ADAM22: variants seen among roughly 807,000 people sequenced by gnomAD.
The protein encoded by ADAM22 is disintegrin and metalloproteinase domain-containing protein 22.
A neutral mutation model predicts 144.6 loss-of-function variants in ADAM22; 65 were observed. The observed-to-expected ratio is 0.45, with a 90% CI of 0.37 to 0.55. The LOEUF (loss-of-function observed/expected upper bound fraction) is 0.55, where lower values mean the gene tolerates loss of function less well. Ranked by LOEUF, ADAM22 falls within the 20% of genes least tolerant of loss-of-function variation. The pLI is 0.00. For missense variants in ADAM22, 974 were observed against 1,184.9 expected, an observed-to-expected ratio of 0.82 and a Z score of 2.61; for synonymous variants, 391 against 412.6, an observed-to-expected ratio of 0.95 and a Z score of 0.63.
At chr7:88,127,983 C>G (rs1473049976) in intron 8 of ADAM22, among the ~76,000 whole-genome samples, 2 of 151,890 alleles carry the variant, frequency 1.3e-5, no homozygotes, top group Admixed American at 6.6e-5. Flanking sequence ...ATAGATAACT[C>G]AAGACTGCCT....
chr7:88,190,103 C>G, intron 30 of ADAM22, among the ~76,000 whole-genome samples: 1 of 152,198 alleles, frequency 6.6e-6, no homozygotes, highest in Non-Finnish European at 1.5e-5. Flanking sequence ...TGAGGTTGGC[C>G]TTACAGGCAT....
At chr7:88,175,021 A>T (rs1845287529) in intron 26 of ADAM22, among the ~76,000 whole-genome samples, 1 of 152,196 alleles carries the variant, frequency 6.6e-6, no homozygotes. Flanking sequence ...CAAGCATTGG[A>T]GAAATGCCTC....
At chr7:88,006,689 C>G (rs1270305182) in intron 3 of ADAM22, among the ~76,000 whole-genome samples, 2 of 148,722 alleles carry the variant, frequency 1.3e-5, no homozygotes, top group Non-Finnish European at 3.0e-5. Flanking sequence ...AGGCCTTTGA[C>G]AAAATTCAAC....
intron 3 of ADAM22, among the ~76,000 whole-genome samples, chr7:88,055,135 C>A (rs1466747044): frequency 2.6e-5 from 4 of 151,698 alleles, no homozygotes; most frequent in African/African-American, 7.3e-5. Flanking sequence ...TTTGTTTCTT[C>A]CCATTTTCCT....
chr7:88,114,779 A>G, intron 6 of ADAM22, 132 bp downstream of exon 6: 1 of 746,718 alleles, frequency 1.3e-6, no homozygotes, highest in Admixed American at 2.9e-5. Context: ...ATATGTACAG[A>G]TGCTCCTCAA....
At chr7:87,953,494 G>A (rs1271454703) in intron 2 of ADAM22, among the ~76,000 whole-genome samples, 2 of 152,196 alleles carry the variant, frequency 1.3e-5, no homozygotes, top group Non-Finnish European at 2.9e-5. Flanking sequence ...TGATTGCACT[G>A]TGGTCTGAGA....
intron 4 of ADAM22, among the ~76,000 whole-genome samples, chr7:88,087,552 C>T (rs867828557): frequency 2.0e-5 from 3 of 151,022 alleles, no homozygotes; most frequent in Non-Finnish European, 1.5e-5. Flanking sequence ...GTAGATGGGG[C>T]AGGGAACAGA....
At chr7:88,046,051 T>C (rs1804615041) in intron 3 of ADAM22, among the ~76,000 whole-genome samples, 1 of 152,146 alleles carries the variant, frequency 6.6e-6, no homozygotes, top group African/African-American at 2.4e-5. Flanking sequence ...CTCTTTGACA[T>C]ACTGATTTCA....
At chr7:88,050,552 G>A (rs1288232985) in intron 3 of ADAM22, among the ~76,000 whole-genome samples, 2 of 151,526 alleles carry the variant, frequency 1.3e-5, no homozygotes, top group Admixed American at 1.3e-4. Flanking sequence ...TGAAGTCAGA[G>A]CTAGAAAAGA....
chr7:87,969,529 A>C (rs1849935674), intron 2 of ADAM22, among the ~76,000 whole-genome samples: 1 of 152,186 alleles, frequency 6.6e-6, no homozygotes, highest in Admixed American at 6.5e-5. Context: ...GCCTGGTATG[A>C]TCAGCACTCT....
intron 26 of ADAM22, among the ~76,000 whole-genome samples, chr7:88,177,999 G>T (rs1356449758): frequency 6.6e-6 from 1 of 152,128 alleles, no homozygotes; most frequent in Non-Finnish European, 1.5e-5. Context: ...TTGGCTATTT[G>T]GAGGCTACAC....
Position 88,114,656 on chromosome 7 carries a change from T to A in ADAM22, c.537+9T>A. On this transcript the variant is annotated intron_variant, in intron 6 of 31. Transcript: ENST00000413139. ...AAAATGACACTACTCAAGTAAGTGC[T>A]CCTTCTGTTTGTTGTGGCAAATGGA... 6.2e-7 allele frequency: 1 copy of A among 1,613,452 alleles called. No homozygotes were observed. The highest frequency in any genetic ancestry group is 8.5e-7 in the Non-Finnish European group (1 of 1,179,612).
intron 3 of ADAM22, among the ~76,000 whole-genome samples, chr7:88,011,694 TGTAAG>T (rs1795456630): frequency 6.6e-6 from 1 of 152,110 alleles, no homozygotes; most frequent in South Asian, 2.1e-4. Context: ...CATCTCACTC[TGTAAG>T]GTGTTTCTTT....
At chr7:88,157,761 G>A (rs1309469270) in intron 22 of ADAM22, among the ~76,000 whole-genome samples, 1 of 152,116 alleles carries the variant, frequency 6.6e-6, no homozygotes, top group East Asian at 1.9e-4. Context: ...TGAATTAAGA[G>A]TAGAAAATGG....
intron 4 of ADAM22, among the ~76,000 whole-genome samples, chr7:88,099,380 G>T (rs1822309957): frequency 6.6e-6 from 1 of 152,138 alleles, no homozygotes; most frequent in African/African-American, 2.4e-5. Context: ...TTCCCAGAGG[G>T]TAACAGAGGA....
intron 11 of ADAM22, 70 bp downstream of exon 11, chr7:88,131,505 G>A: frequency 1.3e-6 from 2 of 1,495,228 alleles, no homozygotes; most frequent in Non-Finnish European, 1.9e-6. Flanking sequence ...TGACTGAAAT[G>A]TATCCTTTCT....
chr7:88,011,762 G>C (rs1228383516), intron 3 of ADAM22, among the ~76,000 whole-genome samples: 1 of 135,784 alleles, frequency 7.4e-6, no homozygotes, highest in Non-Finnish European at 1.5e-5. Flanking sequence ...TTTCTCTCTA[G>C]CTTCTTTCAA....
chr7:88,107,439 G>T (rs1314934860), intron 4 of ADAM22, among the ~76,000 whole-genome samples: 1 of 151,878 alleles, frequency 6.6e-6, no homozygotes, highest in Admixed American at 6.6e-5. Context: ...GACCTCAAGG[G>T]ATCCACCCAC....
chr7:88,035,352 G>C (rs79009082), intron 3 of ADAM22, among the ~76,000 whole-genome samples: 127 of 152,326 alleles, frequency 8.3e-4, no homozygotes, highest in African/African-American at 2.8e-3. Flanking sequence ...TGCTATACCA[G>C]CAGCTTATCC....
Sources: allele counts gnomAD v4.1 joint callset (sites outside exome capture counted in the v4.1 genomes callset), GRCh38; gene constraint gnomAD v4.1.1; transcripts MANE v1.5; gene names NCBI Gene and HGNC (gene_info 2026-07-23, HGNC 2026-07-21).